The following TFEC variants were observed in gnomAD, a reference collection of about 807,000 sequenced individuals.
The protein encoded by TFEC is transcription factor EC, also known as class E basic helix-loop-helix protein 34.
In TFEC, 31 loss-of-function variants were observed where a neutral mutation model predicts 41.6. That is an observed-to-expected ratio of 0.74 (90% CI 0.56 to 1.01). The LOEUF is 1.01. Ranked by LOEUF, TFEC falls within the 50% of genes least tolerant of loss-of-function variation. The pLI is 0.00. For missense variants in TFEC, 402 were observed against 404.1 expected, an observed-to-expected ratio of 0.99 and a Z score of 0.04; for synonymous variants, 143 against 140.6, an observed-to-expected ratio of 1.02 and a Z score of -0.12.
At chr7:115,998,080 A>G (rs1357965950) in intron 1 of TFEC, among the ~76,000 whole-genome samples, 1 of 152,148 alleles carries the variant, frequency 6.6e-6, no homozygotes, top group Non-Finnish European at 1.5e-5. Context: ...GCCTAGAGAA[A>G]GATATCAATA....
intron 6 of TFEC, among the ~76,000 whole-genome samples, chr7:115,942,466 C>T (rs529679936): frequency 1.2e-4 from 18 of 152,030 alleles, no homozygotes; most frequent in African/African-American, 4.1e-4. Context: ...AATCTTTTAA[C>T]CTATTTTCTA....
At chr7:116,118,508 A>G (rs1253665465) in intron 1 of TFEC, among the ~76,000 whole-genome samples, 1 of 151,684 alleles carries the variant, frequency 6.6e-6, no homozygotes, top group African/African-American at 2.4e-5. Flanking sequence ...TCTTTTCCTA[A>G]TGGGGAAATT....
At chr7:116,148,801 G>C (rs2116447714) in intron 1 of TFEC, among the ~76,000 whole-genome samples, 1 of 152,082 alleles carries the variant, frequency 6.6e-6, no homozygotes, top group South Asian at 2.1e-4. Flanking sequence ...TCTGGAGAAA[G>C]GTTTTTCACT....
chr7:115,998,565 C>T (rs1374963644), intron 1 of TFEC, among the ~76,000 whole-genome samples: 1 of 150,966 alleles, frequency 6.6e-6, no homozygotes, highest in Non-Finnish European at 1.5e-5. Flanking sequence ...AAACACACAA[C>T]AATCTGTAGT....
rs1793355561 is a variant in TFEC at position 115,938,904 on chromosome 7, T to G, written c.*1647A>C. On this transcript the variant is annotated 3_prime_UTR_variant, in exon 8 of 8. Transcript: ENST00000265440. Reference sequence around the variant, plus strand: ...GCTTCAGAACTCCCCAACAGACATCTTCTAGGGCATCCAGATCTTTCTAAT... The same window carrying G: ...GCTTCAGAACTCCCCAACAGACATCGTCTAGGGCATCCAGATCTTTCTAAT... 1 of 151,986 alleles carries G rather than the reference T, an allele frequency of 6.6e-6. No individual in the cohort carries two copies. The highest frequency in any genetic ancestry group is 1.5e-5 in the Non-Finnish European group (1 of 67,932). 9.4% of individuals were successfully genotyped at this position (151,986 alleles called of 1,614,324 possible). A position where few individuals can be genotyped will look rare whatever the true frequency, so the allele number is the denominator to read the frequency against.
At chr7:116,054,841 A>T (rs564926563) in intron 3 of TFEC, among the ~76,000 whole-genome samples, 1 of 152,260 alleles carries the variant, frequency 6.6e-6, no homozygotes, top group Non-Finnish European at 1.5e-5. Context: ...CCTAAACTGG[A>T]TAAGATAGAT....
At chr7:115,964,278 A>C (rs1400403647) in intron 3 of TFEC, among the ~76,000 whole-genome samples, 2 of 151,598 alleles carry the variant, frequency 1.3e-5, no homozygotes, top group Non-Finnish European at 3.0e-5. Context: ...ACAAAGAAAA[A>C]ATCTGAACTA....
intron 1 of TFEC, among the ~76,000 whole-genome samples, chr7:116,001,503 A>C (rs1794593797): frequency 6.6e-6 from 1 of 151,844 alleles, no homozygotes; most frequent in African/African-American, 2.4e-5. Flanking sequence ...TCAGGAAAAA[A>C]AAAAAACAAC....
chr7:116,099,049 AAAAT>A (rs1797542558), intron 3 of TFEC, among the ~76,000 whole-genome samples: 1 of 152,244 alleles, frequency 6.6e-6, no homozygotes, highest in Non-Finnish European at 1.5e-5. Flanking sequence ...CACAATCCAT[AAAAT>A]AAATATTCAT....
chr7:116,112,770 T>C (rs917525119), intron 1 of TFEC, among the ~76,000 whole-genome samples: 2 of 151,912 alleles, frequency 1.3e-5, no homozygotes, highest in African/African-American at 4.8e-5. Context: ...AATAGAGGAA[T>C]GTAGGTAATA....
chr7:116,015,905 C>T (rs999522664), intron 1 of TFEC, among the ~76,000 whole-genome samples: 6 of 152,116 alleles, frequency 3.9e-5, no homozygotes, highest in Non-Finnish European at 5.9e-5. Flanking sequence ...CTAAGATGTG[C>T]AGATTTAGAG....
intron 1 of TFEC, among the ~76,000 whole-genome samples, chr7:116,000,263 C>G (rs1454923194): frequency 6.6e-6 from 1 of 151,952 alleles, no homozygotes; most frequent in Non-Finnish European, 1.5e-5. Context: ...ATATTGAACA[C>G]TTCAAGATAA....
At chr7:116,120,175 A>G (rs1180424379) in intron 1 of TFEC, 1 of 151,922 alleles carries the variant, frequency 6.6e-6, no homozygotes, top group South Asian at 2.1e-4. Context: ...AATGCTTTCT[A>G]GCTTGTTCTG....
chr7:116,072,047 A>C (rs1796842569), intron 3 of TFEC, among the ~76,000 whole-genome samples: 1 of 151,628 alleles, frequency 6.6e-6, no homozygotes, highest in African/African-American at 2.4e-5. Flanking sequence ...GAAAACACAT[A>C]AAATTACAGC....
At chr7:116,059,819 C>T (rs1201187164) in intron 3 of TFEC, among the ~76,000 whole-genome samples, 1 of 151,836 alleles carries the variant, frequency 6.6e-6, no homozygotes, top group East Asian at 1.9e-4. Context: ...CAAATTAAGC[C>T]TACAGGAGAA....
intron 1 of TFEC, among the ~76,000 whole-genome samples, chr7:115,993,896 A>C (rs1057184381): frequency 6.6e-6 from 1 of 152,252 alleles, no homozygotes; most frequent in African/African-American, 2.4e-5. Flanking sequence ...CCACACTGCC[A>C]AGAAAATCCT....
chr7:116,030,921 C>A, upstream of TFEC: 30 of 721,622 alleles, frequency 4.2e-5, no homozygotes, highest in Non-Finnish European at 5.1e-5. Flanking sequence ...CTGAAATATG[C>A]CACTAATTTG....
intron 1 of TFEC, among the ~76,000 whole-genome samples, chr7:115,997,474 A>G (rs1042447961): frequency 2.0e-5 from 3 of 152,190 alleles, no homozygotes; most frequent in African/African-American, 7.2e-5. Flanking sequence ...TGCCTTCCCA[A>G]GACGGATGGG....
intron 1 of TFEC, among the ~76,000 whole-genome samples, chr7:116,145,993 A>G (rs192866195): frequency 6.6e-6 from 1 of 152,350 alleles, no homozygotes; most frequent in African/African-American, 2.4e-5. Flanking sequence ...AGGTAAAACA[A>G]ACACTGACAG....
Sources: gnomAD v4.1 joint callset for allele counts (sites outside exome capture counted in the v4.1 genomes callset) on GRCh38, gnomAD v4.1.1 for gene constraint, MANE v1.5 for transcripts, NCBI Gene and HGNC (gene_info 2026-07-23, HGNC 2026-07-21) for gene names.